The following SGCZ variants were observed in gnomAD, a reference collection of about 807,000 sequenced individuals.
SGCZ encodes the protein sarcoglycan zeta.
A neutral mutation model predicts 41.3 loss-of-function variants in SGCZ; 40 were observed. That is an observed-to-expected ratio of 0.97 (90% CI 0.75 to 1.26). The LOEUF (loss-of-function observed/expected upper bound fraction) is 1.26, where lower values mean the gene tolerates loss of function less well. Among genes scored for constraint, SGCZ ranks in the 50% most tolerant of loss-of-function variants. SGCZ has a pLI of 0.00. For missense variants in SGCZ, 552 were observed against 369.8 expected (o/e 1.49, Z -4.04); for synonymous variants, 206 against 137.5 (o/e 1.50, Z -3.49).
At chr8:14,791,394 T>C (rs145817265) in intron 1 of SGCZ, among the ~76,000 whole-genome samples, 127 of 152,162 alleles carry the variant, frequency 8.3e-4, no homozygotes, top group African/African-American at 2.9e-3. Flanking sequence ...GGAGTTATCC[T>C]GAGAAGCAAG....
chr8:14,490,116 T>G (rs1482697991), intron 2 of SGCZ, among the ~76,000 whole-genome samples: 2 of 152,148 alleles, frequency 1.3e-5, no homozygotes, highest in Non-Finnish European at 2.9e-5. Flanking sequence ...TCCACCCGCC[T>G]TGGCCTTCAA....
At chr8:14,262,020 A>C (rs1439730352) in intron 3 of SGCZ, among the ~76,000 whole-genome samples, 1 of 152,182 alleles carries the variant, frequency 6.6e-6, no homozygotes, top group Non-Finnish European at 1.5e-5. Context: ...TTTAAGCACG[A>C]CAAAATAGGC....
At chr8:14,682,812 G>A (rs1310040058) in intron 1 of SGCZ, among the ~76,000 whole-genome samples, 3 of 152,124 alleles carry the variant, frequency 2.0e-5, no homozygotes, top group African/African-American at 7.2e-5. Context: ...AATCTAAATA[G>A]CCATTTGAAT....
At chr8:14,162,888 C>T (rs1047276557) in intron 5 of SGCZ, among the ~76,000 whole-genome samples, 29 of 152,126 alleles carry the variant, frequency 1.9e-4, no homozygotes, top group South Asian at 2.1e-4. Context: ...ATTTTACTTT[C>T]GAGAGAGGGT....
intron 1 of SGCZ, among the ~76,000 whole-genome samples, chr8:14,718,199 G>A (rs566831003): frequency 1.3e-5 from 2 of 151,568 alleles, no homozygotes; most frequent in East Asian, 3.9e-4. Flanking sequence ...CAAAAACTGT[G>A]GTGTTTTTAA....
At chr8:14,834,356 T>C (rs1425497325) in intron 1 of SGCZ, among the ~76,000 whole-genome samples, 1 of 152,212 alleles carries the variant, frequency 6.6e-6, no homozygotes, top group African/African-American at 2.4e-5. Flanking sequence ...TAATTCATAA[T>C]GTGTCACTCA....
chr8:14,748,366 G>T (rs1042907752), intron 1 of SGCZ, among the ~76,000 whole-genome samples: 1 of 152,076 alleles, frequency 6.6e-6, no homozygotes, highest in East Asian at 1.9e-4. Context: ...CAATATGGTG[G>T]CATGAATGGG....
chr8:14,477,118 C>G (rs1022018747), intron 2 of SGCZ, among the ~76,000 whole-genome samples: 5 of 152,124 alleles, frequency 3.3e-5, no homozygotes, highest in South Asian at 2.1e-4. Context: ...CAAATTCACT[C>G]TATGTGTCTT....
intron 3 of SGCZ, among the ~76,000 whole-genome samples, chr8:14,283,127 G>T (rs1024523106): frequency 3.4e-4 from 51 of 152,000 alleles, no homozygotes; most frequent in African/African-American, 9.9e-4. Flanking sequence ...GGGATTACAA[G>T]TGTGAGCCAC....
chr8:14,833,443 G>T (rs1802597107), intron 1 of SGCZ, among the ~76,000 whole-genome samples: 1 of 152,160 alleles, frequency 6.6e-6, no homozygotes, highest in East Asian at 1.9e-4. Flanking sequence ...TATTTTAGGT[G>T]AACTTTTCTG....
chr8:14,533,834 TGGGTAAGATAG>T (rs550695242), intron 2 of SGCZ, among the ~76,000 whole-genome samples: 7 of 152,054 alleles, frequency 4.6e-5, no homozygotes, highest in Non-Finnish European at 1.0e-4. Context: ...GAAGAATTTC[TGGGTAAGATAG>T]GGTTACATAG....
intron 3 of SGCZ, among the ~76,000 whole-genome samples, chr8:14,319,031 C>T (rs1801825418): frequency 6.6e-6 from 1 of 151,628 alleles, no homozygotes; most frequent in Admixed American, 6.6e-5. Flanking sequence ...AGATGACAGT[C>T]ACTTGTATTT....
chr8:14,182,300 C>T (rs999536479), intron 4 of SGCZ, among the ~76,000 whole-genome samples: 2 of 152,140 alleles, frequency 1.3e-5, no homozygotes, highest in South Asian at 4.1e-4. Flanking sequence ...GATGCCCAGC[C>T]GAGCAGCAGG....
intron 1 of SGCZ, among the ~76,000 whole-genome samples, chr8:14,557,119 G>C (rs565636601): frequency 6.6e-6 from 1 of 151,920 alleles, no homozygotes; most frequent in East Asian, 1.9e-4. Context: ...TTTTGATTAT[G>C]GCCATTTTTG....
At chr8:15,185,327 A>T (rs1467794758) in intron 1 of SGCZ, among the ~76,000 whole-genome samples, 1 of 152,240 alleles carries the variant, frequency 6.6e-6, no homozygotes, top group East Asian at 1.9e-4. Flanking sequence ...AATGTATGAG[A>T]ATTAAAAAAT....
intron 4 of SGCZ, among the ~76,000 whole-genome samples, chr8:14,224,256 C>A (rs555630262): frequency 1.5e-3 from 228 of 152,204 alleles, no homozygotes; most frequent in African/African-American, 5.1e-3. Flanking sequence ...ACTAGTACAT[C>A]CAGAAATTCA....
intron 1 of SGCZ, among the ~76,000 whole-genome samples, chr8:14,604,830 G>C (rs901840150): frequency 6.6e-6 from 1 of 152,116 alleles, no homozygotes; most frequent in Non-Finnish European, 1.5e-5. Flanking sequence ...ACACCACAGC[G>C]TTATACTGCC....
At chr8:15,147,728 G>C (rs1213222071) in intron 1 of SGCZ, among the ~76,000 whole-genome samples, 1 of 152,206 alleles carries the variant, frequency 6.6e-6, no homozygotes, top group African/African-American at 2.4e-5. Flanking sequence ...GGCCCAGGTA[G>C]AATCCCTGTT....
At chr8:14,603,473 C>T (rs1269542256) in intron 1 of SGCZ, among the ~76,000 whole-genome samples, 3 of 151,812 alleles carry the variant, frequency 2.0e-5, no homozygotes, top group African/African-American at 7.3e-5. Context: ...TAAGATACCA[C>T]CAAGAAGCTT....
Sources: allele counts gnomAD v4.1 joint callset (sites outside exome capture counted in the v4.1 genomes callset), GRCh38; gene constraint gnomAD v4.1.1; transcripts MANE v1.5; gene names NCBI Gene and HGNC (gene_info 2026-07-23, HGNC 2026-07-21).